Variants in GOLM1 observed in about 807,000 individuals in gnomAD.
GOLM1 encodes golgi membrane protein 1.
A neutral mutation model predicts 50.5 loss-of-function variants in GOLM1; 31 were observed. The ratio of observed to expected loss-of-function variants is 0.61; its 90% CI spans 0.46 to 0.83. GOLM1 has a LOEUF of 0.83. Ranked by LOEUF, GOLM1 falls within the 40% of genes least tolerant of loss-of-function variation. The pLI is 0.00. For synonymous variants in GOLM1, 178 were observed against 192.8 expected, an observed-to-expected ratio of 0.92 and a Z score of 0.64; for missense variants, 491 against 501.3, an observed-to-expected ratio of 0.98 and a Z score of 0.20.
Position 86,028,808 on chromosome 9 carries a change from C to T in GOLM1, c.1130-915G>A, listed in dbSNP as rs148326869. 4.4e-4 allele frequency among the ~76,000 whole-genome samples: 67 copies of T among 152,092 alleles called. No homozygotes were observed. The East Asian group carries it at 0.011, about 26-fold the overall frequency. ...GGGGCACTGAAGAAGAAAGCCATAC[C>T]CCCATTGCATGCCCTGTGAAGGGGA... On this transcript the variant is annotated intron_variant, in intron 9 of 9. Coordinates refer to ENST00000388712, the MANE Select transcript of GOLM1 (RefSeq NM_016548.4).
At chr9:86,093,330 T>C (rs1488016606) in intron 1 of GOLM1, among the ~76,000 whole-genome samples, 2 of 150,562 alleles carry the variant, frequency 1.3e-5, no homozygotes, top group Admixed American at 6.6e-5. Context: ...TGAGCCAAGA[T>C]TGCGCCACTC....
intron 3 of GOLM1, among the ~76,000 whole-genome samples, chr9:86,072,011 A>C (rs1054478833): frequency 2.6e-5 from 4 of 152,260 alleles, no homozygotes; most frequent in African/African-American, 7.2e-5. Flanking sequence ...TAAATCTATC[A>C]AATCAATAAA....
chr9:86,040,727 T>A lies in GOLM1; in HGVS notation c.597+12A>T. ...ACCTTCTAGAAACTCTTGGCAAAAATTCCCCAGTTACCTGCTGTCTCTGGT... is the reference window on the plus strand; with the variant it reads ...ACCTTCTAGAAACTCTTGGCAAAAAATCCCCAGTTACCTGCTGTCTCTGGT... On this transcript the variant is annotated intron_variant, in intron 6 of 9. Transcript: ENST00000388712. 6.2e-7 allele frequency: 1 copy of A among 1,604,308 alleles called. No individual in the cohort carries two copies. Among genetic ancestry groups the A allele is most frequent in the Middle Eastern group, 1.7e-4 (1 of 5,984 alleles).
Position 86,037,945 on chromosome 9 carries a change from G to A in GOLM1, c.598-1438C>T, listed in dbSNP as rs974713218. The stretch of plus-strand genomic sequence containing the variant: ...TGAGACGGGCTGATCACCTGAGGTC[G>A]GGAGTTCAAGACCAGCTTGACCAAC... On this transcript the variant is annotated intron_variant, in intron 6 of 9. Coordinates refer to ENST00000388712, the MANE Select transcript of GOLM1 (RefSeq NM_016548.4). Among the ~76,000 whole-genome samples the A allele has an allele frequency of 4.0e-5, 6 of 151,798 alleles. No individual in the cohort carries two copies. In the East Asian group the frequency reaches 7.8e-4, roughly 20 times the overall value.
At chr9:86,098,922 G>C (rs765277531) in intron 1 of GOLM1, among the ~76,000 whole-genome samples, 4 of 152,200 alleles carry the variant, frequency 2.6e-5, no homozygotes, top group East Asian at 3.9e-4. Flanking sequence ...AGGGCGGCCG[G>C]AGCGCGCCTG....
Position 86,067,012 on chromosome 9 carries a change from T to C in GOLM1, c.309+10400A>G, listed in dbSNP as rs1388920494. Among the ~76,000 whole-genome samples, 4 of 152,328 alleles carry C rather than the reference T, an allele frequency of 2.6e-5. No homozygotes were observed. In the East Asian group the frequency reaches 5.8e-4, roughly 22 times the overall value. On this transcript the variant is annotated intron_variant, in intron 3 of 9. Transcript: ENST00000388712. ...AGTGCTTGGCATGGTCTCAGCTCACTGCAACCTCTGCCTCCCAGGTTCAAG... is the reference window on the plus strand; with the variant it reads ...AGTGCTTGGCATGGTCTCAGCTCACCGCAACCTCTGCCTCCCAGGTTCAAG...
rs116768449 is a variant in GOLM1 at position 86,089,970 on chromosome 9, C to T, written c.-22+9441G>A. On this transcript the variant is annotated intron_variant, in intron 1 of 9. Coordinates refer to ENST00000388712, the MANE Select transcript of GOLM1 (RefSeq NM_016548.4). ...GGATGTCCTTTTTGTTGATGCTATT[C>T]CTTTCTGTTAGTTTCCCTTCTCACT... Among the ~76,000 whole-genome samples, 549 of 152,176 alleles carry T rather than the reference C, an allele frequency of 3.6e-3. 3 individuals are homozygous for T. Among genetic ancestry groups the T allele is most frequent in the African/African-American group, 0.013 (522 of 41,524 alleles).
intron 9 of GOLM1, among the ~76,000 whole-genome samples, chr9:86,030,943 G>A (rs1051540086): frequency 1.3e-5 from 2 of 152,210 alleles, no homozygotes; most frequent in South Asian, 2.1e-4. Flanking sequence ...TTAGCCAGAC[G>A]TGGTGGCTTA....
intron 3 of GOLM1, among the ~76,000 whole-genome samples, chr9:86,067,649 G>A (rs571111394): frequency 6.6e-6 from 1 of 152,278 alleles, no homozygotes; most frequent in South Asian, 2.1e-4. Flanking sequence ...GTTGAACAGT[G>A]TACACCTAAA....
At chr9:86,081,486 G>A (rs146316145) in intron 1 of GOLM1, among the ~76,000 whole-genome samples, 27 of 152,160 alleles carry the variant, frequency 1.8e-4, no homozygotes, top group Admixed American at 2.6e-4. Flanking sequence ...ATGAGCCACC[G>A]TGCCCAGCTA....
intron 1 of GOLM1, among the ~76,000 whole-genome samples, chr9:86,095,136 T>A (rs1005309701): frequency 1.8e-4 from 27 of 151,966 alleles, no homozygotes; most frequent in African/African-American, 4.8e-4. Flanking sequence ...AGGAGCTCAA[T>A]TTTTCCTTGA....
At position 86,026,863 on chromosome 9, in the gene GOLM1, T is replaced by C. The variant is rs1832801630; in HGVS notation, c.*954A>G. 4 of 983,550 alleles carry C rather than the reference T, an allele frequency of 4.1e-6. No homozygotes were observed. The highest frequency in any genetic ancestry group is 2.4e-6 in the Non-Finnish European group (2 of 828,286). The allele number at this position is 983,550 out of a possible 1,614,324, so 60.9% of individuals were successfully genotyped here. A position where few individuals can be genotyped will look rare whatever the true frequency, so the allele number is the denominator to read the frequency against. On this transcript the variant is annotated 3_prime_UTR_variant, in exon 10 of 10. Coordinates refer to ENST00000388712, the MANE Select transcript of GOLM1 (RefSeq NM_016548.4). The stretch of plus-strand genomic sequence containing the variant: ...AAAACAACCATTGTATTCCTGTTTT[T>C]CTAAACAGTCCTAATTTCTAACACT...
At chr9:86,053,718 C>G (rs114462491) in intron 3 of GOLM1, among the ~76,000 whole-genome samples, 7,070 of 135,914 alleles carry the variant, frequency 0.052, 417 homozygotes, top group Non-Finnish European at 0.077. Context: ...CCCACCGCAT[C>G]ACAGACTGCT....
At chr9:86,098,783 C>T (rs940431769) in intron 1 of GOLM1, among the ~76,000 whole-genome samples, 7 of 152,134 alleles carry the variant, frequency 4.6e-5, no homozygotes, top group African/African-American at 1.7e-4. Context: ...GGTGGAAACA[C>T]AGGTATGCGA....
intron 3 of GOLM1, among the ~76,000 whole-genome samples, chr9:86,075,619 C>T (rs935284523): frequency 3.2e-4 from 49 of 152,186 alleles, no homozygotes; most frequent in African/African-American, 1.2e-3. Context: ...TTCCATGCCT[C>T]CTACCACCAA....
intron 4 of GOLM1, 67 bp from the exon 5 acceptor site, chr9:86,046,639 T>C (rs1457606970): frequency 2.7e-5 from 25 of 911,676 alleles, no homozygotes; most frequent in African/African-American, 9.8e-5. Context: ...AGCCAAAATA[T>C]GACAGAGGCA....
At chr9:86,032,403 C>G (rs1833013406) in intron 9 of GOLM1, among the ~76,000 whole-genome samples, 1 of 152,114 alleles carries the variant, frequency 6.6e-6, no homozygotes, top group Non-Finnish European at 1.5e-5. Context: ...TCTTGACCCG[C>G]TGATCTGCCT....
At chr9:86,042,153 C>A (rs757372780) in intron 5 of GOLM1, among the ~76,000 whole-genome samples, 16 of 152,180 alleles carry the variant, frequency 1.1e-4, no homozygotes, top group African/African-American at 2.9e-4. Flanking sequence ...GGAGGACACT[C>A]GGTTGAATTG....
intron 3 of GOLM1, among the ~76,000 whole-genome samples, chr9:86,071,209 C>T (rs1168605232): frequency 1.3e-5 from 2 of 152,084 alleles, no homozygotes; most frequent in Non-Finnish European, 2.9e-5. Flanking sequence ...GTGATCCACC[C>T]ACCTCAGCTT....
Sources: allele counts gnomAD v4.1 joint callset (sites outside exome capture counted in the v4.1 genomes callset), GRCh38; gene constraint gnomAD v4.1.1; transcripts MANE v1.5; gene names NCBI Gene and HGNC (gene_info 2026-07-23, HGNC 2026-07-21).